The following ANO6 variants were observed in gnomAD, a reference collection of about 807,000 sequenced individuals.
ANO6 encodes the protein anoctamin 6.
In ANO6, 106 loss-of-function variants were observed where a neutral mutation model predicts 117.5. The ratio of observed to expected loss-of-function variants is 0.90; its 90% CI spans 0.77 to 1.06. The LOEUF is 1.06. ANO6 is among the 50% of genes least tolerant of loss of function. The probability of loss-of-function intolerance (pLI) is 0.00; values close to 1 mark genes in which losing one functional copy is unlikely to be tolerated. For synonymous variants in ANO6, 367 were observed against 385.1 expected (o/e 0.95, Z 0.55); for missense variants, 955 against 1,121.1 (o/e 0.85, Z 2.12).
intron 1 of ANO6, among the ~76,000 whole-genome samples, chr12:45,245,457 A>T: frequency 6.7e-6 from 1 of 148,530 alleles, no homozygotes; most frequent in African/African-American, 2.5e-5. Context: ...CCCTCAATAG[A>T]CTCTCTCCTT....
chr12:45,331,644 G>A (rs1266144860), intron 3 of ANO6, among the ~76,000 whole-genome samples: 2 of 152,084 alleles, frequency 1.3e-5, no homozygotes, highest in African/African-American at 4.8e-5. Flanking sequence ...TGGTTTCACA[G>A]CTGAAAGCAG....
chr12:45,399,191 T>C (rs1942713807), intron 12 of ANO6, among the ~76,000 whole-genome samples: 1 of 151,074 alleles, frequency 6.6e-6, no homozygotes, highest in Non-Finnish European at 1.5e-5. Flanking sequence ...TTTTTTGTTT[T>C]TTTGTTTTGT....
intron 12 of ANO6, among the ~76,000 whole-genome samples, chr12:45,400,494 G>A (rs567708208): frequency 6.6e-6 from 1 of 152,290 alleles, no homozygotes; most frequent in African/African-American, 2.4e-5. Flanking sequence ...ATTTCTTAAA[G>A]AGCAAGAAAA....
At chr12:45,370,717 G>C (rs916862312) in intron 9 of ANO6, among the ~76,000 whole-genome samples, 1 of 152,224 alleles carries the variant, frequency 6.6e-6, no homozygotes, top group Admixed American at 6.5e-5. Flanking sequence ...TTCCATAAGA[G>C]TCAAAGGTAA....
At chr12:45,413,340 G>A (rs546047162) in intron 16 of ANO6, among the ~76,000 whole-genome samples, 1 of 152,274 alleles carries the variant, frequency 6.6e-6, no homozygotes, top group East Asian at 1.9e-4. Context: ...AGCAGATGAG[G>A]AATAAAATTA....
intron 1 of ANO6, among the ~76,000 whole-genome samples, chr12:45,274,088 G>A (rs1359017839): frequency 6.6e-6 from 1 of 152,068 alleles, no homozygotes; most frequent in African/African-American, 2.4e-5. Flanking sequence ...CTCTCCTGCT[G>A]GATCCTTCTC....
At position 45,429,368 on chromosome 12, in the gene ANO6, G is replaced by A; in HGVS notation, c.*57G>A. ...ATTTAGCTTTGTCAAAATATATTAGGAATCACTAATGAGAATGTGTAAGTT... is the reference window on the plus strand; with the variant it reads ...ATTTAGCTTTGTCAAAATATATTAGAAATCACTAATGAGAATGTGTAAGTT... On this transcript the variant is annotated 3_prime_UTR_variant, in exon 20 of 20. Transcript: ENST00000320560. 6.3e-7 allele frequency: 1 copy of A among 1,584,056 alleles called. No individual in the cohort carries two copies. Among genetic ancestry groups the A allele is most frequent in the Non-Finnish European group, 8.6e-7 (1 of 1,166,430 alleles).
intron 3 of ANO6, among the ~76,000 whole-genome samples, chr12:45,344,565 C>A (rs1941074211): frequency 6.6e-6 from 1 of 152,144 alleles, no homozygotes; most frequent in South Asian, 2.1e-4. Flanking sequence ...ATCACAAGAA[C>A]AGCAAGGGGG....
chr12:45,303,861 T>C (rs1269836123), intron 2 of ANO6, among the ~76,000 whole-genome samples: 1 of 152,206 alleles, frequency 6.6e-6, no homozygotes, highest in Non-Finnish European at 1.5e-5. Context: ...ATCCCCACTT[T>C]TTTATTTTTC....
intron 1 of ANO6, among the ~76,000 whole-genome samples, chr12:45,245,406 A>C (rs1947809527): frequency 6.6e-6 from 1 of 151,976 alleles, no homozygotes; most frequent in South Asian, 2.1e-4. Context: ...TCTGTCTTAA[A>C]AAACAAAAAA....
chr12:45,378,892 T>G (rs1942100132), intron 10 of ANO6, among the ~76,000 whole-genome samples: 1 of 152,220 alleles, frequency 6.6e-6, no homozygotes, highest in Non-Finnish European at 1.5e-5. Flanking sequence ...AAACTCTACT[T>G]ACTAACTAGA....
chr12:45,362,614 A>G (rs1021380569), intron 8 of ANO6, among the ~76,000 whole-genome samples: 28 of 151,558 alleles, frequency 1.8e-4, no homozygotes, highest in Non-Finnish European at 2.8e-4. Context: ...TTGTTTTTCT[A>G]TTCCTTCATT....
intron 1 of ANO6, among the ~76,000 whole-genome samples, chr12:45,293,131 C>G (rs192734105): frequency 7.9e-5 from 12 of 152,320 alleles, no homozygotes; most frequent in Admixed American, 7.2e-4. Flanking sequence ...TAGAAGCACT[C>G]TCTTATTATC....
chr12:45,433,010 A>C (rs1404496660), downstream of ANO6, among the ~76,000 whole-genome samples: 1 of 152,238 alleles, frequency 6.6e-6, no homozygotes, highest in African/African-American at 2.4e-5. Context: ...GTTACAATCC[A>C]GGAAACTAAA....
intron 19 of ANO6, among the ~76,000 whole-genome samples, chr12:45,427,557 C>A (rs902327537): frequency 6.6e-6 from 1 of 152,144 alleles, no homozygotes. Flanking sequence ...GTACTCATCA[C>A]TTTTTAACAC....
chr12:45,221,522 T>C (rs1301454004), intron 1 of ANO6, among the ~76,000 whole-genome samples: 1 of 152,142 alleles, frequency 6.6e-6, no homozygotes, highest in Non-Finnish European at 1.5e-5. Context: ...TTTTACTCTG[T>C]ATGTGATTTG....
intron 10 of ANO6, among the ~76,000 whole-genome samples, chr12:45,386,904 C>T (rs1272643080): frequency 6.6e-6 from 1 of 152,256 alleles, no homozygotes; most frequent in African/African-American, 2.4e-5. Context: ...GTCCCCTCCT[C>T]TGGGATGGCC....
intron 1 of ANO6, among the ~76,000 whole-genome samples, chr12:45,217,475 G>A (rs776011733): frequency 8.8e-4 from 134 of 152,130 alleles, no homozygotes; most frequent in Non-Finnish European, 1.9e-3. Flanking sequence ...AAAAAATTTG[G>A]TAACTTCTTG....
chr12:45,373,052 G>A (rs1254021046), intron 9 of ANO6, among the ~76,000 whole-genome samples: 3 of 151,854 alleles, frequency 2.0e-5, no homozygotes, highest in Admixed American at 6.6e-5. Context: ...AAAAGGCAGG[G>A]GTTGCAATCC....
Sources: allele counts gnomAD v4.1 joint callset (sites outside exome capture counted in the v4.1 genomes callset), GRCh38; gene constraint gnomAD v4.1.1; transcripts MANE v1.5; gene names NCBI Gene and HGNC (gene_info 2026-07-23, HGNC 2026-07-21).